Variants in NKAIN2 observed in about 807,000 individuals in gnomAD.
NKAIN2 encodes sodium/potassium transporting ATPase interacting 2.
NKAIN2 carries 14 observed loss-of-function variants against 32.6 expected under a neutral mutation model. That is an observed-to-expected ratio of 0.43 (90% CI 0.28 to 0.67). The LOEUF (loss-of-function observed/expected upper bound fraction) is 0.67. Among genes scored for constraint, NKAIN2 ranks in the 30% least tolerant of loss-of-function variants. The pLI is 0.17. For synonymous variants in NKAIN2, 80 were observed against 87.2 expected (o/e 0.92, Z 0.46); for missense variants, 198 against 258.3 (o/e 0.77, Z 1.60).
intron 3 of NKAIN2, among the ~76,000 whole-genome samples, chr6:124,558,925 G>C (rs1328149399): frequency 6.6e-6 from 1 of 151,234 alleles, no homozygotes; most frequent in East Asian, 2.0e-4. Flanking sequence ...CTCCAGCTTG[G>C]GCAACAGGAG....
In NKAIN2 at chr6:123,900,424, G is replaced by A. The variant is rs191561743; in HGVS notation, c.54+96170G>A. ...GGAGGCGGAGGTTGCAGTGAGCCAA[G>A]ATCGCGCCACTCTACTCCAGCCTGG... On this transcript the variant is annotated intron_variant, in intron 1 of 6. Coordinates refer to ENST00000368417, the MANE Select transcript of NKAIN2 (RefSeq NM_001040214.3). Among the ~76,000 whole-genome samples, 129 of 150,378 alleles carry A rather than the reference G, an allele frequency of 8.6e-4. 1 individual carries two copies. Among genetic ancestry groups the A allele is most frequent in the African/African-American group, 3.0e-3 (123 of 41,154 alleles).
At chr6:124,131,655 G>A (rs1321218230) in intron 1 of NKAIN2, among the ~76,000 whole-genome samples, 1 of 152,110 alleles carries the variant, frequency 6.6e-6, no homozygotes, top group Admixed American at 6.5e-5. Flanking sequence ...ACCTAGAGCT[G>A]GAATGGATTT....
intron 3 of NKAIN2, among the ~76,000 whole-genome samples, chr6:124,631,139 C>T (rs994562416): frequency 6.6e-6 from 1 of 152,090 alleles, no homozygotes; most frequent in Non-Finnish European, 1.5e-5. Context: ...TAAAATTGCT[C>T]CATTTCACGA....
At chr6:124,362,845 AT>A (rs1336429322) in intron 3 of NKAIN2, among the ~76,000 whole-genome samples, 1 of 151,990 alleles carries the variant, frequency 6.6e-6, no homozygotes, top group Non-Finnish European at 1.5e-5. Flanking sequence ...TATTATTATT[AT>A]TTTTTTGAGA....
intron 1 of NKAIN2, among the ~76,000 whole-genome samples, chr6:123,982,330 G>A (rs142075530): frequency 1.3e-5 from 2 of 152,270 alleles, no homozygotes; most frequent in East Asian, 3.9e-4. Context: ...CGCAAAGAGG[G>A]CAAGGCTTCT....
At chr6:124,745,264 A>G (rs559810245) in intron 4 of NKAIN2, among the ~76,000 whole-genome samples, 1 of 152,016 alleles carries the variant, frequency 6.6e-6, no homozygotes, top group South Asian at 2.1e-4. Flanking sequence ...AAGACTTTAC[A>G]AAAAGGCTTT....
At chr6:124,218,695 A>G (rs754119622) in intron 1 of NKAIN2, among the ~76,000 whole-genome samples, 6 of 152,198 alleles carry the variant, frequency 3.9e-5, no homozygotes, top group Non-Finnish European at 7.3e-5. Flanking sequence ...ACATAATTCT[A>G]ATCAATTATA....
intron 1 of NKAIN2, among the ~76,000 whole-genome samples, chr6:123,991,271 C>T (rs368697698): frequency 6.6e-6 from 1 of 152,082 alleles, no homozygotes; most frequent in African/African-American, 2.4e-5. Flanking sequence ...CACTTGGTTC[C>T]TGTATTTCCT....
intron 3 of NKAIN2, among the ~76,000 whole-genome samples, chr6:124,505,927 A>T (rs1490587356): frequency 6.6e-6 from 1 of 152,102 alleles, no homozygotes; most frequent in Non-Finnish European, 1.5e-5. Flanking sequence ...TAATCCCAGC[A>T]CTTTGGGAGG....
intron 3 of NKAIN2, among the ~76,000 whole-genome samples, chr6:124,637,401 G>A (rs1375096115): frequency 6.6e-6 from 1 of 151,930 alleles, no homozygotes; most frequent in African/African-American, 2.4e-5. Flanking sequence ...TTAGATAAGA[G>A]AAAGAAAAAG....
At chr6:124,584,332 A>T in intron 3 of NKAIN2, among the ~76,000 whole-genome samples, 1 of 152,184 alleles carries the variant, frequency 6.6e-6, no homozygotes, top group African/African-American at 2.4e-5. Flanking sequence ...AAATGGGCAA[A>T]AGATCTGAAT....
chr6:124,127,436 G>C (rs1449638122), intron 1 of NKAIN2, among the ~76,000 whole-genome samples: 1 of 152,188 alleles, frequency 6.6e-6, no homozygotes, highest in Non-Finnish European at 1.5e-5. Flanking sequence ...GATGACAGTA[G>C]AATAGTCACA....
intron 1 of NKAIN2, among the ~76,000 whole-genome samples, chr6:124,066,018 C>T (rs1783155647): frequency 6.6e-6 from 1 of 152,046 alleles, no homozygotes; most frequent in Non-Finnish European, 1.5e-5. Flanking sequence ...AAGTGGGGAA[C>T]AACATAAGTC....
chr6:124,372,169 A>G (rs1430820790), intron 3 of NKAIN2, among the ~76,000 whole-genome samples: 2 of 152,200 alleles, frequency 1.3e-5, no homozygotes. Context: ...TGTTTATACA[A>G]AGTATTATTA....
At chr6:123,895,718 G>A (rs929833668) in intron 1 of NKAIN2, among the ~76,000 whole-genome samples, 5 of 152,218 alleles carry the variant, frequency 3.3e-5, no homozygotes, top group African/African-American at 1.2e-4. Context: ...CAAATGCAGT[G>A]AACAGAGCTG....
intron 3 of NKAIN2, among the ~76,000 whole-genome samples, chr6:124,472,006 C>T (rs1776994521): frequency 1.2e-5 from 1 of 83,204 alleles, no homozygotes; most frequent in Admixed American, 1.3e-4. Flanking sequence ...GTGGAATGAT[C>T]AGTAGACAAC....
intron 1 of NKAIN2, among the ~76,000 whole-genome samples, chr6:124,131,938 T>C (rs1326763671): frequency 2.0e-5 from 3 of 152,136 alleles, no homozygotes; most frequent in Admixed American, 6.5e-5. Flanking sequence ...GCCACTGCCA[T>C]TGTGAGCAGA....
intron 1 of NKAIN2, among the ~76,000 whole-genome samples, chr6:123,911,785 A>ATATATATATGTATATATATGTATATATG (rs1775194822): frequency 5.6e-5 from 5 of 89,674 alleles, no homozygotes; most frequent in African/African-American, 3.9e-4. Context: ...ATACATACAT[A>ATATATATATGTATATATATGTATATATG]TATATATATA....
At chr6:124,135,019 CAG>C (rs1375691374) in intron 1 of NKAIN2, among the ~76,000 whole-genome samples, 1 of 152,000 alleles carries the variant, frequency 6.6e-6, no homozygotes, top group Non-Finnish European at 1.5e-5. Flanking sequence ...AATTGGCAGC[CAG>C]TCAGCCAAGA....
Sources: gnomAD v4.1 joint callset for allele counts (sites outside exome capture counted in the v4.1 genomes callset) on GRCh38, gnomAD v4.1.1 for gene constraint, MANE v1.5 for transcripts, NCBI Gene and HGNC (gene_info 2026-07-23, HGNC 2026-07-21) for gene names.